The following P4HA1 variants were observed in gnomAD, a reference collection of about 807,000 sequenced individuals.
P4HA1 encodes prolyl 4-hydroxylase subunit alpha-1.
Under a neutral mutation model 72.8 loss-of-function variants are expected in P4HA1, and 24 were observed. That is an observed-to-expected ratio of 0.33 (90% CI 0.24 to 0.46). The LOEUF (loss-of-function observed/expected upper bound fraction) is 0.46, where lower values mean the gene tolerates loss of function less well. Ranked by LOEUF, P4HA1 falls within the 20% of genes least tolerant of loss-of-function variation. The pLI is 1.00. For missense variants in P4HA1, 446 were observed against 640.6 expected (o/e 0.70, Z 3.28); for synonymous variants, 201 against 218.8 (o/e 0.92, Z 0.72).
intron 11 of P4HA1, among the ~76,000 whole-genome samples, chr10:73,014,831 CTTTTTTTTTTTTT>C (rs761513290): frequency 7.2e-6 from 1 of 139,766 alleles, no homozygotes; most frequent in African/African-American, 2.6e-5. Flanking sequence ...TTTCTTTTTT[CTTTTTTTTTTTTT>C]TTGAGACAGA....
intron 7 of P4HA1, among the ~76,000 whole-genome samples, chr10:73,049,572 T>TC (rs1347151594): frequency 1.3e-5 from 2 of 152,366 alleles, no homozygotes. Context: ...TAACAAATGT[T>TC]CCCCAGACTT....
chr10:73,050,095 G>T (rs1659135797), intron 7 of P4HA1, among the ~76,000 whole-genome samples: 2 of 151,912 alleles, frequency 1.3e-5, no homozygotes, highest in Non-Finnish European at 2.9e-5. Context: ...GAACCCAGGA[G>T]GCGGAGGTTG....
chr10:73,071,941 G>T, intron 4 of P4HA1, 88 bp downstream of exon 4: 1 of 1,099,058 alleles, frequency 9.1e-7, no homozygotes, highest in Admixed American at 2.0e-5. Context: ...AACTGAACTG[G>T]TTTCCTGGGA....
At chr10:73,091,053 T>C in intron 1 of P4HA1, among the ~76,000 whole-genome samples, 1 of 101,266 alleles carries the variant, frequency 9.9e-6, no homozygotes, top group African/African-American at 4.2e-5. Context: ...AGAGTGAGAG[T>C]CCATCTCAAA....
chr10:73,050,056 C>T (rs1477524309), intron 7 of P4HA1, among the ~76,000 whole-genome samples: 1 of 151,762 alleles, frequency 6.6e-6, no homozygotes, highest in African/African-American at 2.4e-5. Context: ...GTCCCAGCTA[C>T]TTGGGAGGCT....
chr10:73,095,842 A>G (rs1432883036), intron 1 of P4HA1, among the ~76,000 whole-genome samples: 1 of 152,228 alleles, frequency 6.6e-6, no homozygotes, highest in Non-Finnish European at 1.5e-5. Context: ...ATTTGTATGT[A>G]ACAGAGTCGA....
intron 9 of P4HA1, among the ~76,000 whole-genome samples, chr10:73,042,712 A>T (rs79531226): frequency 0.052 from 7,913 of 151,706 alleles, 660 homozygotes; most frequent in African/African-American, 0.17. Context: ...AATTCTCAAC[A>T]GGGGTGGAGT....
chr10:73,044,897 C>T (rs913127354), intron 9 of P4HA1, 84 bp downstream of exon 9: 2 of 1,107,634 alleles, frequency 1.8e-6, no homozygotes, highest in South Asian at 1.4e-5. Context: ...CTGAAAATGA[C>T]CCACTTTCCT....
intron 9 of P4HA1, among the ~76,000 whole-genome samples, chr10:73,035,246 A>T (rs1840542276): frequency 6.6e-6 from 1 of 152,150 alleles, no homozygotes; most frequent in African/African-American, 2.4e-5. Context: ...AGAAAAAAAA[A>T]AAAAATCTAA....
chr10:73,090,096 A>T (rs1190991737), intron 1 of P4HA1, among the ~76,000 whole-genome samples: 2 of 150,136 alleles, frequency 1.3e-5, no homozygotes, highest in East Asian at 3.9e-4. Flanking sequence ...GGCCCCCCAG[A>T]GTGTTGGGAT....
At position 73,016,881 on chromosome 10, in the gene P4HA1, C is replaced by CA; in HGVS notation, c.1266dup (p.Gly423TrpfsTer5). ...TCAAAATGGGGTTCATACTGTCCTC[C>CA]AACTCCATAATTTGCTACCTGAAGG... is the stretch of plus-strand genomic sequence containing the variant. On this transcript the variant is annotated frameshift_variant, in exon 11 of 15. Transcript: ENST00000394890. LOFTEE classifies it high-confidence loss of function. 6.2e-7 allele frequency: 1 copy of CA among 1,611,818 alleles called. No homozygotes were observed. The highest frequency in any genetic ancestry group is 8.5e-7 in the Non-Finnish European group (1 of 1,178,232).
rs759476786 is a variant in P4HA1, at chr10:73,009,914, C to T, written c.1438-11G>A. The T allele has an allele frequency of 1.4e-6, 2 of 1,401,474 alleles. No individual in the cohort carries two copies. The allele number at this position is 1,401,474 out of a possible 1,614,324, so 86.8% of individuals were successfully genotyped here. On this transcript the variant is annotated splice_polypyrimidine_tract_variant and intron_variant, in intron 13 of 14. Coordinates refer to ENST00000394890, the MANE Select transcript of P4HA1 (RefSeq NM_001017962.3). ...GAAAACAGCAGTTCCCTATGGAGAA[C>T]AATTCACAATTATCCCCAAGTATAC... is the stretch of plus-strand genomic sequence containing the variant.
chr10:73,036,161 T>C (rs1309899410), intron 9 of P4HA1, among the ~76,000 whole-genome samples: 2 of 139,970 alleles, frequency 1.4e-5, no homozygotes, highest in African/African-American at 2.8e-5. Flanking sequence ...CACTCGAGTC[T>C]GGGCAACAAG....
intron 10 of P4HA1, among the ~76,000 whole-genome samples, chr10:73,017,705 C>T (rs1318103810): frequency 6.6e-6 from 1 of 152,130 alleles, no homozygotes; most frequent in South Asian, 2.1e-4. Context: ...GCCCTAACAA[C>T]TTCAGTTGCT....
chr10:73,074,062 G>A, intron 2 of P4HA1: 2 of 467,840 alleles, frequency 4.3e-6, no homozygotes, highest in Non-Finnish European at 7.6e-6. Context: ...GCTTTAGACT[G>A]TGCTAGCAAA....
intron 1 of P4HA1, among the ~76,000 whole-genome samples, chr10:73,080,827 C>A (rs1268612550): frequency 1.3e-5 from 2 of 152,170 alleles, no homozygotes; most frequent in Non-Finnish European, 2.9e-5. Context: ...ACTCGGGAGG[C>A]TGAGGCAGGA....
chr10:73,045,455 C>T (rs1465443683), intron 8 of P4HA1, among the ~76,000 whole-genome samples: 2 of 151,950 alleles, frequency 1.3e-5, no homozygotes, highest in Non-Finnish European at 2.9e-5. Context: ...CATTCCAAAA[C>T]CTTTGACTTT....
chr10:73,060,074 AC>A (rs1841276427), intron 5 of P4HA1, among the ~76,000 whole-genome samples: 1 of 152,202 alleles, frequency 6.6e-6, no homozygotes, highest in Non-Finnish European at 1.5e-5. Context: ...GAAATGAATT[AC>A]CTCAGATGTC....
chr10:73,091,159 G>A (rs1404773583), intron 1 of P4HA1, among the ~76,000 whole-genome samples: 1 of 148,466 alleles, frequency 6.7e-6, no homozygotes, highest in Non-Finnish European at 1.5e-5. Flanking sequence ...TATGTTGCCT[G>A]AGTTTACCAA....
Sources: gnomAD v4.1 joint callset for allele counts (sites outside exome capture counted in the v4.1 genomes callset) on GRCh38, gnomAD v4.1.1 for gene constraint, MANE v1.5 for transcripts, NCBI Gene and HGNC (gene_info 2026-07-23, HGNC 2026-07-21) for gene names.